The following KLHL8 variants were observed in gnomAD, a reference collection of about 807,000 sequenced individuals.
KLHL8 encodes the protein kelch-like protein 8.
A neutral mutation model predicts 63.5 loss-of-function variants in KLHL8; 38 were observed. The ratio of observed to expected loss-of-function variants is 0.60; its 90% CI spans 0.46 to 0.78. KLHL8 has a LOEUF of 0.78. KLHL8 is among the 30% of genes least tolerant of loss of function. The pLI, the probability that KLHL8 is intolerant of heterozygous loss-of-function variation, is 0.00. For synonymous variants in KLHL8, 224 were observed against 254.3 expected (o/e 0.88, Z 1.13); for missense variants, 566 against 752.4 (o/e 0.75, Z 2.90).
chr4:87,209,327 C>T (rs1732292449), intron 1 of KLHL8, among the ~76,000 whole-genome samples: 1 of 152,108 alleles, frequency 6.6e-6, no homozygotes, highest in South Asian at 2.1e-4. Flanking sequence ...ATTGTCATAA[C>T]ATGCTACAGA....
chr4:87,168,745 CGTGTATATATGTGT>C (rs1730511318), intron 8 of KLHL8, among the ~76,000 whole-genome samples: 2 of 136,688 alleles, frequency 1.5e-5, no homozygotes, highest in East Asian at 2.1e-4. Context: ...TGTATATATA[CGTGTATATATGTGT>C]GTGTATATAT....
At chr4:87,215,078 C>T (rs933627490) in intron 1 of KLHL8, among the ~76,000 whole-genome samples, 2 of 152,150 alleles carry the variant, frequency 1.3e-5, no homozygotes, top group African/African-American at 4.8e-5. Context: ...GAATTATAGG[C>T]GTGAGCCACC....
intron 1 of KLHL8, among the ~76,000 whole-genome samples, chr4:87,227,201 GC>G (rs1233515937): frequency 6.6e-6 from 1 of 151,316 alleles, no homozygotes; most frequent in African/African-American, 2.4e-5. Flanking sequence ...ATGGCTGAAA[GC>G]CCAGCTAAAA....
chr4:87,217,825 G>A (rs999728655), intron 1 of KLHL8, among the ~76,000 whole-genome samples: 2 of 151,842 alleles, frequency 1.3e-5, no homozygotes, highest in Non-Finnish European at 2.9e-5. Flanking sequence ...TGACTCTTGG[G>A]AATTCCAATA....
At chr4:87,185,140 C>G (rs1428891349) in intron 3 of KLHL8, 111 bp downstream of exon 3, 2 of 1,030,838 alleles carry the variant, frequency 1.9e-6, no homozygotes, top group African/African-American at 1.6e-5. Context: ...TTTATTACAT[C>G]AATAATTTCT....
intron 1 of KLHL8, among the ~76,000 whole-genome samples, chr4:87,200,542 T>C (rs1731878757): frequency 6.6e-6 from 1 of 152,184 alleles, no homozygotes; most frequent in South Asian, 2.1e-4. Context: ...CAGTCAACTG[T>C]ATATAAAAAG....
At chr4:87,169,374 G>A (rs1233933937) in intron 8 of KLHL8, among the ~76,000 whole-genome samples, 1 of 152,208 alleles carries the variant, frequency 6.6e-6, no homozygotes, top group Non-Finnish European at 1.5e-5. Flanking sequence ...AAATGAGGTT[G>A]AGAAAAACAA....
At chr4:87,223,374 T>C (rs1732918888), upstream of KLHL8, among the ~76,000 whole-genome samples, 1 of 152,200 alleles carries the variant, frequency 6.6e-6, no homozygotes, top group Admixed American at 6.5e-5. Context: ...CACAATAAAC[T>C]ATTTGTAGTT....
intron 3 of KLHL8, 147 bp downstream of exon 3, chr4:87,185,104 T>TA: frequency 1.4e-6 from 1 of 733,802 alleles, no homozygotes; most frequent in Non-Finnish European, 2.1e-6. Context: ...ACAGGAAAAT[T>TA]AGAGAGCTAA....
rs1361713399 is a variant in KLHL8 at position 87,160,191 on chromosome 4, T to C, written c.*3328A>G. The C allele has an allele frequency of 2.0e-5, 3 of 152,180 alleles. No homozygotes were observed. The highest frequency in any genetic ancestry group is 7.2e-5 in the African/African-American group (3 of 41,444). 9.4% of individuals were successfully genotyped at this position (152,180 alleles called of 1,614,324 possible). On this transcript the variant is annotated 3_prime_UTR_variant, in exon 10 of 10. Coordinates refer to ENST00000273963, the MANE Select transcript of KLHL8 (RefSeq NM_020803.5). ...TTTTTGATATCCATAGTTGGTGATA[T>C]ATATGACCACTTATTACATTGATTT...
At chr4:87,178,724 T>C (rs1730932344) in intron 4 of KLHL8, 104 bp from the exon 5 acceptor site, 3 of 1,106,650 alleles carry the variant, frequency 2.7e-6, no homozygotes, top group East Asian at 2.8e-5. Context: ...AAAAAGTTAT[T>C]TGGATAGTAT....
At chr4:87,190,782 C>A (rs2110004949) in intron 2 of KLHL8, among the ~76,000 whole-genome samples, 1 of 152,276 alleles carries the variant, frequency 6.6e-6, no homozygotes, top group Non-Finnish European at 1.5e-5. Context: ...ACTGGCAAAT[C>A]CATGTCTGGT....
chr4:87,181,185 G>C (rs1159387749), intron 4 of KLHL8, among the ~76,000 whole-genome samples: 1 of 151,980 alleles, frequency 6.6e-6, no homozygotes, highest in Non-Finnish European at 1.5e-5. Flanking sequence ...CCAGCACTTT[G>C]GGAGGTTGAG....
At position 87,185,285 on chromosome 4, in the gene KLHL8, T is replaced by G. The variant is rs1395196350; in HGVS notation, c.731A>C (p.His244Pro). The G allele has an allele frequency of 6.2e-7, 1 of 1,613,888 alleles. No individual in the cohort carries two copies. The highest frequency in any genetic ancestry group is 1.1e-5 in the South Asian group (1 of 91,062). The change falls in exon 3 of 10, where the codon CAT becomes CCT. Residue 244 changes from histidine to proline, a missense_variant. By Grantham distance (77) the His-to-Pro change is moderately conservative (BLOSUM62 -2). Transcript: ENST00000273963. Reference sequence around the variant, plus strand: ...TGTTTCATCCAACCATTTGGAATGATGCTGAGGATTGGCAAGAAGCCACTT... The same window carrying G: ...TGTTTCATCCAACCATTTGGAATGAGGCTGAGGATTGGCAAGAAGCCACTT... ...AIKWLLANPQ[H>P]HSKWLDETLA...
chr4:87,219,923 T>G (rs1272743870), intron 1 of KLHL8: 1 of 151,984 alleles, frequency 6.6e-6, no homozygotes, highest in Non-Finnish European at 1.5e-5. Context: ...GGTGGCCCAC[T>G]CGCCCCGCCC....
chr4:87,234,495 T>C (rs1469923984), intron 1 of KLHL8, among the ~76,000 whole-genome samples: 1 of 150,992 alleles, frequency 6.6e-6, no homozygotes, highest in Non-Finnish European at 1.5e-5. Context: ...AGTGACGTCA[T>C]AGCCATGATA....
At chr4:87,180,757 G>A (rs536495348) in intron 4 of KLHL8, among the ~76,000 whole-genome samples, 6 of 152,246 alleles carry the variant, frequency 3.9e-5, no homozygotes, top group South Asian at 2.1e-4. Flanking sequence ...AAAGTCGGAA[G>A]AGCAGCAAAT....
chr4:87,193,833 T>A (rs1374105996), intron 2 of KLHL8, among the ~76,000 whole-genome samples: 1 of 152,212 alleles, frequency 6.6e-6, no homozygotes, highest in East Asian at 1.9e-4. Flanking sequence ...CCACTGTATA[T>A]GGGGTCCATC....
intron 6 of KLHL8, among the ~76,000 whole-genome samples, chr4:87,172,026 A>G (rs564945508): frequency 4.5e-4 from 69 of 152,108 alleles, no homozygotes; most frequent in Non-Finnish European, 8.4e-4. Flanking sequence ...CTCATCCCCC[A>G]TGACCTTCAT....
Sources: gnomAD v4.1 joint callset for allele counts (sites outside exome capture counted in the v4.1 genomes callset) on GRCh38, gnomAD v4.1.1 for gene constraint, MANE v1.5 for transcripts, NCBI Gene and HGNC (gene_info 2026-07-23, HGNC 2026-07-21) for gene names.